BORCS5: variants seen among roughly 807,000 people sequenced by gnomAD.
BORCS5 encodes BLOC-1-related complex subunit 5.
In BORCS5, 17 loss-of-function variants were observed where a neutral mutation model predicts 22.1. The ratio of observed to expected loss-of-function variants is 0.77; its 90% CI spans 0.53 to 1.15. BORCS5 has a LOEUF of 1.15. Among genes scored for constraint, BORCS5 ranks in the 50% most tolerant of loss-of-function variants. The pLI, the probability that BORCS5 is intolerant of heterozygous loss-of-function variation, is 0.00. For missense variants in BORCS5, 247 were observed against 253.2 expected, an observed-to-expected ratio of 0.98 and a Z score of 0.17; for synonymous variants, 117 against 99.8, an observed-to-expected ratio of 1.17 and a Z score of -1.03.
At chr12:12,445,045 T>C (rs1942755744) in intron 3 of BORCS5, among the ~76,000 whole-genome samples, 1 of 152,150 alleles carries the variant, frequency 6.6e-6, no homozygotes, top group Non-Finnish European at 1.5e-5. Context: ...CCGAACAATC[T>C]TGTTTTAGAG....
intron 2 of BORCS5, among the ~76,000 whole-genome samples, chr12:12,400,490 G>A (rs1003866152): frequency 1.3e-5 from 2 of 151,922 alleles, no homozygotes; most frequent in Non-Finnish European, 1.5e-5. Context: ...AGACCCAGCA[G>A]GGTTTAAGAA....
intron 2 of BORCS5, among the ~76,000 whole-genome samples, chr12:12,414,939 T>C: frequency 7.7e-6 from 1 of 130,094 alleles, no homozygotes; most frequent in Non-Finnish European, 1.7e-5. Context: ...GCTCCCCACA[T>C]CTCAGACGAT....
intron 2 of BORCS5, among the ~76,000 whole-genome samples, chr12:12,388,482 TAAGG>T (rs1273431712): frequency 6.6e-6 from 1 of 151,424 alleles, no homozygotes. Context: ...TATCTGTAAA[TAAGG>T]AAGATAAATC....
intron 2 of BORCS5, among the ~76,000 whole-genome samples, chr12:12,381,011 A>ATTTTT (rs530930947): frequency 8.2e-6 from 1 of 122,206 alleles, no homozygotes; most frequent in Non-Finnish European, 1.8e-5. Context: ...TTTTTGGGGG[A>ATTTTT]TTTTTTTTTT....
chr12:12,380,974 T>A (rs529291386), intron 2 of BORCS5, among the ~76,000 whole-genome samples: 1 of 151,048 alleles, frequency 6.6e-6, no homozygotes, highest in South Asian at 2.1e-4. Flanking sequence ...TGCAGTATTT[T>A]CTCCCAGACT....
At chr12:12,419,973 A>C (rs549921775) in intron 2 of BORCS5, among the ~76,000 whole-genome samples, 126 of 152,108 alleles carry the variant, frequency 8.3e-4, no homozygotes, top group African/African-American at 2.6e-3. Flanking sequence ...AGATTGCAAA[A>C]ATTTTCTCCC....
intron 2 of BORCS5, among the ~76,000 whole-genome samples, chr12:12,410,329 A>G (rs1941699424): frequency 6.6e-6 from 1 of 152,148 alleles, no homozygotes; most frequent in Non-Finnish European, 1.5e-5. Context: ...GGTATTGCCT[A>G]GGTTTTCTTC....
chr12:12,433,801 C>T (rs1223983426), intron 2 of BORCS5, among the ~76,000 whole-genome samples: 1 of 152,152 alleles, frequency 6.6e-6, no homozygotes, highest in East Asian at 1.9e-4. Context: ...GGTTCCAGCC[C>T]TGTATGCTGC....
intron 2 of BORCS5, among the ~76,000 whole-genome samples, chr12:12,427,873 A>G (rs1328246784): frequency 1.3e-5 from 2 of 152,136 alleles, no homozygotes; most frequent in Non-Finnish European, 2.9e-5. Context: ...CCCATTCATG[A>G]AGCCTCTATA....
chr12:12,409,519 G>A (rs1941670540), intron 2 of BORCS5, among the ~76,000 whole-genome samples: 2 of 151,990 alleles, frequency 1.3e-5, no homozygotes, highest in Non-Finnish European at 1.5e-5. Context: ...TGAGAATGAT[G>A]GTTTCCAGCT....
chr12:12,414,679 G>C (rs1279779450), intron 2 of BORCS5, among the ~76,000 whole-genome samples: 14 of 92,688 alleles, frequency 1.5e-4, no homozygotes, highest in African/African-American at 4.8e-4. Flanking sequence ...GGCTGGCCGG[G>C]CGGGGGGCTG....
chr12:12,366,726 A>G (rs1230033214), intron 2 of BORCS5, among the ~76,000 whole-genome samples: 1 of 152,254 alleles, frequency 6.6e-6, no homozygotes, highest in Non-Finnish European at 1.5e-5. Context: ...ATTGTATGTC[A>G]TTCTAAAGAA....
chr12:12,377,644 G>A (rs1684685466), intron 2 of BORCS5, among the ~76,000 whole-genome samples: 1 of 151,998 alleles, frequency 6.6e-6, no homozygotes, highest in Non-Finnish European at 1.5e-5. Context: ...AGTCTCATTT[G>A]GGAGATAATA....
intron 2 of BORCS5, among the ~76,000 whole-genome samples, chr12:12,414,671 C>G (rs1415909325): frequency 1.1e-5 from 1 of 89,290 alleles, no homozygotes; most frequent in Admixed American, 9.8e-5. Context: ...GACGGGGCGG[C>G]TGGCCGGGCG....
chr12:12,435,684 C>G lies in BORCS5; in HGVS notation c.259C>G (p.Gln87Glu), dbSNP rs1467636293. The G allele has an allele frequency of 3.7e-6, 6 of 1,614,106 alleles. No homozygotes were observed. In the South Asian group the frequency reaches 5.5e-5, roughly 15 times the overall value. The change falls in exon 3 of 4, where the codon CAG becomes GAG. Residue 87 changes from glutamine (Q) to glutamate (E), a missense_variant. Gln to Glu is a conservative substitution (Grantham distance 29). Transcript: ENST00000314565. ...TGCCAAATTGGAGAAACTGGACTCT[C>G]AGCAGGTGTTGCAGCTCTGCCTCCG... ...TNAKLEKLDS[Q>E]QVLQLCLRYQ... is the part of the protein sequence containing the mutation.
At chr12:12,434,821 T>A (rs780746504) in intron 2 of BORCS5, among the ~76,000 whole-genome samples, 32 of 152,182 alleles carry the variant, frequency 2.1e-4, no homozygotes, top group South Asian at 4.1e-4. Context: ...CTCTTTGGGG[T>A]CCTTGGTAAT....
rs963463672 is a variant in BORCS5, at chr12:12,383,707, A to G, written c.202+22358A>G. On this transcript the variant is annotated intron_variant, in intron 2 of 3. Coordinates refer to ENST00000314565, the MANE Select transcript of BORCS5 (RefSeq NM_058169.6). ...GCCATTCTACTCTCTTCTAGCCTCC[A>G]TTGTTTCAGACGAGTTGCTTTTCTC... Among the ~76,000 whole-genome samples, 9 of 149,540 alleles carry G rather than the reference A, an allele frequency of 6.0e-5. No individual in the cohort carries two copies. In the East Asian group the frequency reaches 7.8e-4, roughly 13 times the overall value.
rs1943220458 is a variant in BORCS5, at chr12:12,467,357, C to CACAGAGTGGGTGGCAGTTCAAG, written c.*1582_*1603dup. 6.6e-6 allele frequency: 1 copy of CACAGAGTGGGTGGCAGTTCAAG among 152,210 alleles called. No homozygotes were observed. The highest frequency in any genetic ancestry group is 6.5e-5 in the Admixed American group (1 of 15,280). 9.4% of individuals were successfully genotyped at this position (152,210 alleles called of 1,614,324 possible). ...ACTTAATACAGGTGACACATGAAAG[C>CACAGAGTGGGTGGCAGTTCAAG]ACAGAGTGGGTGGCAGTTCAAGCCT... On this transcript the variant is annotated 3_prime_UTR_variant, in exon 4 of 4. Coordinates refer to ENST00000314565, the MANE Select transcript of BORCS5 (RefSeq NM_058169.6).
chr12:12,362,075 G>A (rs1340582478), intron 2 of BORCS5, among the ~76,000 whole-genome samples: 1 of 152,114 alleles, frequency 6.6e-6, no homozygotes, highest in Non-Finnish European at 1.5e-5. Flanking sequence ...TAAGGCCCTG[G>A]TTTACTTAAC....
Sources: allele counts gnomAD v4.1 joint callset (sites outside exome capture counted in the v4.1 genomes callset), GRCh38; gene constraint gnomAD v4.1.1; transcripts MANE v1.5; gene names NCBI Gene and HGNC (gene_info 2026-07-23, HGNC 2026-07-21).